The following MRTFB variants were observed in gnomAD, a reference collection of about 807,000 sequenced individuals.
The protein encoded by MRTFB is myocardin-related transcription factor B.
MRTFB carries 29 observed loss-of-function variants against 104.2 expected under a neutral mutation model. The observed-to-expected ratio is 0.28, with a 90% CI of 0.21 to 0.38. The LOEUF (loss-of-function observed/expected upper bound fraction) is 0.38, where lower values mean the gene tolerates loss of function less well. MRTFB is among the 10% of genes least tolerant of loss of function. The probability of loss-of-function intolerance (pLI) is 1.00; values close to 1 mark genes in which losing one functional copy is unlikely to be tolerated. For synonymous variants in MRTFB, 535 were observed against 519.5 expected (o/e 1.03, Z -0.41); for missense variants, 1,270 against 1,341.6 (o/e 0.95, Z 0.83).
At position 14,252,381 on chromosome 16, in the gene MRTFB, C is replaced by A; in HGVS notation, c.2582C>A (p.Pro861Gln). The A allele has an allele frequency of 6.2e-7, 1 of 1,613,504 alleles. No homozygotes were observed. Among genetic ancestry groups the A allele is most frequent in the Middle Eastern group, 1.7e-4 (1 of 6,060 alleles). Residue 861 changes from proline (P) to glutamine (Q), a missense_variant, in exon 15 of 17, where the codon CCA (proline) becomes CAA (glutamine). Physicochemically the swap from Pro to Gln is moderately conservative, Grantham distance 76. Around this residue, in one of 3 missense-constraint regions of MRTFB, gnomAD observed 1,144 missense variants for 1,131.5 expected, o/e 1.01. Transcript: ENST00000571589. ...TTGACACAGCCTAGTTCACCCCCGCCACCCCAGCAATTTGTCGTCCAGCAC... is the reference window on the plus strand; with the variant it reads ...TTGACACAGCCTAGTTCACCCCCGCAACCCCAGCAATTTGTCGTCCAGCAC... ...NTPNKPSSPP[P>Q]PQQFVVQHSL...
chr16:14,003,110 A>G, the MRTFB span, among the ~76,000 whole-genome samples: 1 of 151,918 alleles, frequency 6.6e-6, no homozygotes, highest in Admixed American at 6.6e-5. Flanking sequence ...GCTATTGAGG[A>G]CGTAGTTTTT....
chr16:14,218,798 CA>C (rs1567180195), intron 7 of MRTFB, 21 bp from the exon 8 acceptor site: 1 of 1,570,648 alleles, frequency 6.4e-7, no homozygotes, highest in East Asian at 2.3e-5. Context: ...TAAGTCAAGT[CA>C]AAAATCATTT....
the MRTFB span, among the ~76,000 whole-genome samples, chr16:14,052,611 T>C: frequency 6.6e-6 from 1 of 152,062 alleles, no homozygotes; most frequent in African/African-American, 2.4e-5. Context: ...CGGTGGCTTA[T>C]GCCTGTAATC....
intron 3 of MRTFB, among the ~76,000 whole-genome samples, chr16:14,165,240 A>G (rs1275265778): frequency 6.6e-6 from 1 of 152,086 alleles, no homozygotes; most frequent in Non-Finnish European, 1.5e-5. Flanking sequence ...CATGTGGTGC[A>G]TGGATGATCT....
In MRTFB at chr16:14,117,995, G is replaced by A. The variant is rs568830235; in HGVS notation, c.-63-22549G>A. Among the ~76,000 whole-genome samples, 3 of 152,026 alleles carry A rather than the reference G, an allele frequency of 2.0e-5. 1 individual carries two copies. In the South Asian group the frequency reaches 6.2e-4, roughly 32 times the overall value. On this transcript the variant is annotated intron_variant, in intron 2 of 16. Coordinates refer to ENST00000571589, the MANE Select transcript of MRTFB (RefSeq NM_001308142.2). ...AATAATATAACCTCCACCTAGCTTA[G>A]TCAAATCTTAACATTTTGCTAGCTT...
At chr16:14,051,466 AATACACAC>A in the MRTFB span, among the ~76,000 whole-genome samples, 2 of 151,950 alleles carry the variant, frequency 1.3e-5, no homozygotes, top group Admixed American at 6.6e-5. Context: ...CACTCATACA[AATACACAC>A]ATACACACAT....
chr16:14,084,944 C>A (rs116887830), intron 2 of MRTFB, among the ~76,000 whole-genome samples: 2 of 151,818 alleles, frequency 1.3e-5, no homozygotes. Context: ...AGAGAGCCAG[C>A]GTAGGCAATA....
intron 2 of MRTFB, among the ~76,000 whole-genome samples, chr16:14,125,656 G>C (rs1446658197): frequency 6.6e-6 from 1 of 152,002 alleles, no homozygotes; most frequent in Non-Finnish European, 1.5e-5. Flanking sequence ...TTTCTTTTTG[G>C]AATAACTTGT....
chr16:14,181,404 C>T (rs1024705644), intron 3 of MRTFB, among the ~76,000 whole-genome samples: 2 of 152,122 alleles, frequency 1.3e-5, no homozygotes, highest in African/African-American at 4.8e-5. Flanking sequence ...TACATCCAAT[C>T]TCATTATCTG....
At chr16:14,226,482 C>G (rs536781065) in intron 8 of MRTFB, among the ~76,000 whole-genome samples, 1 of 152,028 alleles carries the variant, frequency 6.6e-6, no homozygotes, top group Non-Finnish European at 1.5e-5. Flanking sequence ...TATCCACATG[C>G]AAAAAAGAAT....
intron 2 of MRTFB, among the ~76,000 whole-genome samples, chr16:14,101,045 G>T (rs2035669936): frequency 7.1e-6 from 1 of 140,716 alleles, no homozygotes; most frequent in Admixed American, 7.0e-5. Flanking sequence ...TTTGTTTTCT[G>T]TTTCATTGAT....
rs560519412 is a variant in MRTFB at position 14,103,726 on chromosome 16, A to C, written c.-64+24372A>C. Among the ~76,000 whole-genome samples the C allele has an allele frequency of 2.0e-5, 3 of 152,310 alleles. No homozygotes were observed. In the East Asian group the frequency reaches 5.8e-4, roughly 29 times the overall value. On this transcript the variant is annotated intron_variant, in intron 2 of 16. Coordinates refer to ENST00000571589, the MANE Select transcript of MRTFB (RefSeq NM_001308142.2). ...TTGGCATAAATTAGCCCAGTTTGCTACAAATATAGTCTGCTTCTAATGCCT... is the reference window on the plus strand; with the variant it reads ...TTGGCATAAATTAGCCCAGTTTGCTCCAAATATAGTCTGCTTCTAATGCCT...
At chr16:14,042,397 T>A in the MRTFB span, among the ~76,000 whole-genome samples, 6 of 152,216 alleles carry the variant, frequency 3.9e-5, no homozygotes, top group Non-Finnish European at 8.8e-5. Flanking sequence ...GTGCTGGGAC[T>A]ACAGGTGTGC....
intron 2 of MRTFB, among the ~76,000 whole-genome samples, chr16:14,103,415 G>C (rs932578325): frequency 6.6e-6 from 1 of 152,170 alleles, no homozygotes; most frequent in African/African-American, 2.4e-5. Context: ...ATATGGGGGA[G>C]GGTGTTTGTT....
intron 2 of MRTFB, among the ~76,000 whole-genome samples, chr16:14,116,127 C>T (rs549416295): frequency 6.6e-6 from 1 of 152,290 alleles, no homozygotes; most frequent in East Asian, 1.9e-4. Context: ...ATGATCTGGG[C>T]CCATTTTACC....
chr16:14,233,786 A>AG (rs2042375292), intron 8 of MRTFB, among the ~76,000 whole-genome samples: 2 of 151,052 alleles, frequency 1.3e-5, no homozygotes, highest in Non-Finnish European at 3.0e-5. Flanking sequence ...CCTCTCAAAA[A>AG]AAAAAAAAAA....
chr16:14,064,834 C>T, the MRTFB span, among the ~76,000 whole-genome samples: 1 of 152,118 alleles, frequency 6.6e-6, no homozygotes, highest in Non-Finnish European at 1.5e-5. Context: ...ATTTTTGTAC[C>T]AGAACCACGC....
In MRTFB at chr16:14,256,328, A is replaced by G. The variant is rs1472654741; in HGVS notation, c.2704-1773A>G. On this transcript the variant is annotated intron_variant, in intron 15 of 16. Coordinates refer to ENST00000571589, the MANE Select transcript of MRTFB (RefSeq NM_001308142.2). ...TTCAATTAAAATGCAAAAAATTGTC[A>G]GAGTGGATATAAAAGCCAGACTCAA... 2.0e-5 allele frequency among the ~76,000 whole-genome samples: 3 copies of G among 152,236 alleles called. No homozygotes were observed. In the East Asian group the frequency reaches 5.8e-4, roughly 29 times the overall value.
intron 3 of MRTFB, among the ~76,000 whole-genome samples, chr16:14,167,571 C>T (rs529721168): frequency 1.3e-5 from 2 of 152,158 alleles, no homozygotes; most frequent in Non-Finnish European, 2.9e-5. Context: ...ATTATGAAAT[C>T]TTTGCCTGTG....
Sources: allele counts gnomAD v4.1 joint callset (sites outside exome capture counted in the v4.1 genomes callset), GRCh38; gene constraint gnomAD v4.1.1; regional missense constraint gnomAD v4.1.1; transcripts MANE v1.5; gene names NCBI Gene and HGNC (gene_info 2026-07-23, HGNC 2026-07-21).